SLC35F1: variants seen among roughly 807,000 people sequenced by gnomAD.
SLC35F1 encodes the protein solute carrier family 35 member F1, also known as chromosome 6 open reading frame 169.
SLC35F1 carries 14 observed loss-of-function variants against 48.7 expected under a neutral mutation model. The ratio of observed to expected loss-of-function variants is 0.29; its 90% confidence interval spans 0.19 to 0.45. SLC35F1 has a LOEUF of 0.45. Ranked by LOEUF, SLC35F1 falls within the 20% of genes least tolerant of loss-of-function variation. SLC35F1 has a pLI of 1.00. For missense variants in SLC35F1, 404 were observed against 500.0 expected (o/e 0.81, Z 1.83); for synonymous variants, 190 against 202.2 (o/e 0.94, Z 0.51).
At chr6:117,982,262 T>G (rs1216538238) in intron 1 of SLC35F1, among the ~76,000 whole-genome samples, 2 of 152,260 alleles carry the variant, frequency 1.3e-5, no homozygotes, top group Non-Finnish European at 2.9e-5. Context: ...ATTTCTGTCA[T>G]GTATTTCTTG....
intron 1 of SLC35F1, among the ~76,000 whole-genome samples, chr6:118,017,024 A>G (rs1203403476): frequency 6.6e-6 from 1 of 152,196 alleles, no homozygotes; most frequent in East Asian, 1.9e-4. Context: ...GGAGAATAGG[A>G]TCTGCGGAAT....
At chr6:118,094,533 A>G (rs925447848) in intron 1 of SLC35F1, among the ~76,000 whole-genome samples, 14 of 152,200 alleles carry the variant, frequency 9.2e-5, no homozygotes, top group African/African-American at 2.7e-4. Context: ...TAGACAGAAG[A>G]GAAGTCAAAA....
At chr6:117,977,530 GTTCA>G (rs1345737016) in intron 1 of SLC35F1, among the ~76,000 whole-genome samples, 1 of 151,782 alleles carries the variant, frequency 6.6e-6, no homozygotes, top group Non-Finnish European at 1.5e-5. Context: ...TATTTTCTGT[GTTCA>G]TTGTCCATTT....
At chr6:118,298,343 T>C (rs1776216909) in intron 7 of SLC35F1, among the ~76,000 whole-genome samples, 1 of 152,154 alleles carries the variant, frequency 6.6e-6, no homozygotes, top group Non-Finnish European at 1.5e-5. Flanking sequence ...GGGTTCTCTT[T>C]GACAACATCT....
At chr6:118,177,614 A>T (rs1774509520) in intron 2 of SLC35F1, among the ~76,000 whole-genome samples, 1 of 152,040 alleles carries the variant, frequency 6.6e-6, no homozygotes, top group African/African-American at 2.4e-5. Flanking sequence ...TCTTCTATGT[A>T]TTGGCCTCTA....
At position 118,315,433 on chromosome 6, in the gene SLC35F1, C is replaced by CTTTTTTTTTTTTTTTTTTT. The variant is rs11293041; in HGVS notation, c.*1187_*1205dup. ...ATAACAGATATATTGACACGACATT[C>CTTTTTTTTTTTTTTTTTTT]TTTTTTTTTTTTTTTTTTTTTTTTG... On this transcript the variant is annotated 3_prime_UTR_variant, in exon 8 of 8. Coordinates refer to ENST00000360388, the MANE Select transcript of SLC35F1 (RefSeq NM_001029858.4). The CTTTTTTTTTTTTTTTTTTT allele has an allele frequency of 1.3e-5, 1 of 78,918 alleles. No homozygotes were observed. Among genetic ancestry groups the CTTTTTTTTTTTTTTTTTTT allele is most frequent in the Non-Finnish European group, 2.3e-5 (1 of 43,310 alleles). The allele number at this position is 78,918 out of a possible 1,614,324, so 4.9% of individuals were successfully genotyped here.
chr6:118,209,847 T>G (rs1187485919), intron 2 of SLC35F1, among the ~76,000 whole-genome samples: 5 of 152,152 alleles, frequency 3.3e-5, no homozygotes. Context: ...CATAAATGTT[T>G]TGTTATCTTA....
intron 4 of SLC35F1, 84 bp from the exon 5 acceptor site, chr6:118,275,375 G>A (rs1367772573): frequency 1.4e-6 from 2 of 1,414,488 alleles, no homozygotes; most frequent in Non-Finnish European, 1.9e-6. Flanking sequence ...AATAGGCAAG[G>A]GAAGCTCAAT....
At chr6:118,210,040 A>G (rs1273776484) in intron 2 of SLC35F1, among the ~76,000 whole-genome samples, 1 of 152,230 alleles carries the variant, frequency 6.6e-6, no homozygotes. Context: ...CAGTGGAAAC[A>G]ATAACTGTAG....
At chr6:117,974,677 C>G (rs1014729365) in intron 1 of SLC35F1, among the ~76,000 whole-genome samples, 2 of 152,114 alleles carry the variant, frequency 1.3e-5, no homozygotes, top group African/African-American at 2.4e-5. Context: ...GGGATTATCT[C>G]AATTTATATT....
At chr6:117,997,230 A>C in intron 1 of SLC35F1, among the ~76,000 whole-genome samples, 1 of 152,174 alleles carries the variant, frequency 6.6e-6, no homozygotes, top group Admixed American at 6.5e-5. Flanking sequence ...GAGAAAAAAG[A>C]ATAAAAAGAA....
intron 7 of SLC35F1, among the ~76,000 whole-genome samples, chr6:118,313,787 T>G (rs1391088343): frequency 3.9e-5 from 6 of 152,154 alleles, no homozygotes; most frequent in Admixed American, 3.9e-4. Flanking sequence ...GATTGGCACT[T>G]TAGAGATGAT....
At chr6:117,927,761 G>A (rs1412541923) in intron 1 of SLC35F1, among the ~76,000 whole-genome samples, 2 of 152,208 alleles carry the variant, frequency 1.3e-5, no homozygotes, top group African/African-American at 4.8e-5. Flanking sequence ...CTTCCACCAA[G>A]TTTTGAGTTC....
intron 1 of SLC35F1, among the ~76,000 whole-genome samples, chr6:117,973,101 C>G (rs1016403750): frequency 6.6e-6 from 1 of 152,064 alleles, no homozygotes; most frequent in African/African-American, 2.4e-5. Flanking sequence ...GCTGGAAGTC[C>G]AAGATCAAGG....
intron 1 of SLC35F1, among the ~76,000 whole-genome samples, chr6:118,053,943 T>C (rs900416208): frequency 2.0e-5 from 3 of 152,218 alleles, no homozygotes; most frequent in Non-Finnish European, 4.4e-5. Flanking sequence ...ATTAGCAATA[T>C]ATTTCTGTGT....
intron 1 of SLC35F1, among the ~76,000 whole-genome samples, chr6:118,120,253 G>A (rs151267554): frequency 1.3e-4 from 20 of 152,248 alleles, no homozygotes; most frequent in African/African-American, 4.8e-4. Context: ...TGCAGTCTGA[G>A]CTATCTGGAT....
chr6:118,311,510 C>A (rs1420688433), intron 7 of SLC35F1, among the ~76,000 whole-genome samples: 2 of 152,196 alleles, frequency 1.3e-5, no homozygotes, highest in Non-Finnish European at 2.9e-5. Flanking sequence ...ACAATTTAGG[C>A]CAGGCGCGAT....
At position 117,923,686 on chromosome 6, in the gene SLC35F1, C is replaced by CATATACAT. The variant is rs1554216712; in HGVS notation, c.173+15791_173+15792insACATATAT. ...ATATATACATATATGTACATATATA[C>CATATACAT]ATATGTACATATACATATATGTACA... On this transcript the variant is annotated intron_variant, in intron 1 of 7. Coordinates refer to ENST00000360388, the MANE Select transcript of SLC35F1 (RefSeq NM_001029858.4). Among the ~76,000 whole-genome samples, 3 of 65,302 alleles carry CATATACAT rather than the reference C, an allele frequency of 4.6e-5. 1 individual carries two copies. Among genetic ancestry groups the CATATACAT allele is most frequent in the African/African-American group, 1.3e-4 (3 of 22,392 alleles). 42.8% of individuals were successfully genotyped at this position (65,302 alleles called of 152,430 possible).
At chr6:117,963,459 T>C (rs1032074654) in intron 1 of SLC35F1, among the ~76,000 whole-genome samples, 1 of 152,006 alleles carries the variant, frequency 6.6e-6, no homozygotes, top group Non-Finnish European at 1.5e-5. Flanking sequence ...CATGTGCGCA[T>C]TCTAAGGGTA....
Sources: allele counts gnomAD v4.1 joint callset (sites outside exome capture counted in the v4.1 genomes callset), GRCh38; gene constraint gnomAD v4.1.1; transcripts MANE v1.5; gene names NCBI Gene and HGNC (gene_info 2026-07-23, HGNC 2026-07-21).